The following SNRPF variants were observed in gnomAD, a reference collection of about 807,000 sequenced individuals.
The protein encoded by SNRPF is small nuclear ribonucleoprotein polypeptide F.
A neutral mutation model predicts 13.4 loss-of-function variants in SNRPF; 1 was observed. That is an observed-to-expected ratio of 0.07 (90% CI 0.03 to 0.35). The LOEUF (loss-of-function observed/expected upper bound fraction) is 0.35. Ranked by LOEUF, SNRPF falls within the 10% of genes least tolerant of loss-of-function variation. The pLI, the probability that SNRPF is intolerant of heterozygous loss-of-function variation, is 0.99. For missense variants in SNRPF, 53 were observed against 101.0 expected (o/e 0.52, Z 2.04); for synonymous variants, 27 against 32.1 (o/e 0.84, Z 0.54).
chr12:95,863,967 C>T (rs2079509012), intron 2 of SNRPF, among the ~76,000 whole-genome samples: 1 of 152,114 alleles, frequency 6.6e-6, no homozygotes, highest in Non-Finnish European at 1.5e-5. Context: ...TGGTGAAGAA[C>T]ATGATAGAAA....
At chr12:95,860,139 G>A (rs1196302861) in intron 1 of SNRPF, among the ~76,000 whole-genome samples, 2 of 152,226 alleles carry the variant, frequency 1.3e-5, no homozygotes, top group African/African-American at 4.8e-5. Context: ...TTAAGTAATT[G>A]CTGTAAGTAA....
In SNRPF at chr12:95,861,217, C is replaced by A; in HGVS notation, c.53C>A (p.Pro18Gln). ...TTCCTCAATGGACTAACAGGAAAGC[C>A]AGTGATGGTGAAACTTAAGTGGGGA... ...KPFLNGLTGKPVMVKLKWGME... is the reference protein window; with the variant it reads ...KPFLNGLTGKQVMVKLKWGME... The change falls in exon 2 of 4, where the codon CCA (proline) becomes CAA (glutamine). Residue 18 changes from proline (P) to glutamine (Q), a missense_variant. Pro to Gln is a moderately conservative substitution (Grantham distance 76). Coordinates refer to ENST00000266735, the MANE Select transcript of SNRPF (RefSeq NM_003095.5). 6.2e-7 allele frequency: 1 copy of A among 1,612,244 alleles called. No individual in the cohort carries two copies. The highest frequency in any genetic ancestry group is 1.1e-5 in the South Asian group (1 of 91,024).
intron 1 of SNRPF, among the ~76,000 whole-genome samples, chr12:95,859,405 T>G (rs894604979): frequency 6.6e-6 from 1 of 152,132 alleles, no homozygotes; most frequent in African/African-American, 2.4e-5. Context: ...TTTCATTCCG[T>G]GAAAGTAATG....
intron 2 of SNRPF, among the ~76,000 whole-genome samples, chr12:95,862,908 T>C (rs1294463763): frequency 1.3e-5 from 2 of 152,228 alleles, no homozygotes; most frequent in Non-Finnish European, 2.9e-5. Context: ...GCTAATGATG[T>C]TGAGCACCTT....
intron 2 of SNRPF, among the ~76,000 whole-genome samples, chr12:95,864,142 T>C (rs2079510220): frequency 6.6e-6 from 1 of 152,244 alleles, no homozygotes; most frequent in Admixed American, 6.5e-5. Flanking sequence ...ATAATGGAGA[T>C]TACTTTTTGT....
chr12:95,861,179 C>A lies in SNRPF; in HGVS notation c.15C>A (p.Leu5=). 6.2e-7 allele frequency: 1 copy of A among 1,610,848 alleles called. No homozygotes were observed. Among genetic ancestry groups the A allele is most frequent in the South Asian group, 1.1e-5 (1 of 90,694 alleles). Residue 5 remains leucine, a synonymous_variant, in exon 2 of 4, where the codon CTC becomes CTA. Coordinates refer to ENST00000266735, the MANE Select transcript of SNRPF (RefSeq NM_003095.5). MSLP[L]NPKPFLNGLT... is the part of the protein sequence containing the mutation. ...TGTTCTTTGTGCAGAGTTTACCCCTCAATCCCAAACCTTTCCTCAATGGAC... is the reference window on the plus strand; with the variant it reads ...TGTTCTTTGTGCAGAGTTTACCCCTAAATCCCAAACCTTTCCTCAATGGAC...
At chr12:95,859,218 T>A in intron 1 of SNRPF, 142 bp downstream of exon 1, 1 of 659,068 alleles carries the variant, frequency 1.5e-6, no homozygotes, top group Non-Finnish European at 2.5e-6. Context: ...CCTTTCACTC[T>A]GCTTTTAGGT....
chr12:95,859,188 C>T (rs2079481429), intron 1 of SNRPF, 112 bp downstream of exon 1: 1 of 949,368 alleles, frequency 1.1e-6, no homozygotes, highest in Non-Finnish European at 1.7e-6. Context: ...CGTGAGGCGC[C>T]GCGCACCCTG....
At chr12:95,860,283 A>G (rs2079488982) in intron 1 of SNRPF, among the ~76,000 whole-genome samples, 1 of 152,190 alleles carries the variant, frequency 6.6e-6, no homozygotes, top group South Asian at 2.1e-4. Context: ...GCTGAATTGT[A>G]TGTCCCCAAA....
chr12:95,865,395 A>G lies in SNRPF; in HGVS notation c.194+7A>G. The G allele has an allele frequency of 1.4e-6, 2 of 1,407,720 alleles. No homozygotes were observed. Among genetic ancestry groups the G allele is most frequent in the Non-Finnish European group, 2.0e-6 (2 of 993,290 alleles). The allele number at this position is 1,407,720 out of a possible 1,614,324, so 87.2% of individuals were successfully genotyped here. Reference sequence around the variant, plus strand: ...TGGGTGAAGTTTTAATAAGGTAACAAACAGCAGTAGTATATGTAAGGAGTT... The same window carrying G: ...TGGGTGAAGTTTTAATAAGGTAACAGACAGCAGTAGTATATGTAAGGAGTT... On this transcript the variant is annotated splice_region_variant and intron_variant, in intron 3 of 3. Coordinates refer to ENST00000266735, the MANE Select transcript of SNRPF (RefSeq NM_003095.5).
In SNRPF at chr12:95,866,135, A is replaced by G. The variant is rs979367530; in HGVS notation, c.*64A>G. The G allele has an allele frequency of 7.2e-6, 6 of 831,178 alleles. No individual in the cohort carries two copies. Among genetic ancestry groups the G allele is most frequent in the South Asian group, 3.4e-5 (2 of 59,474 alleles). The allele number at this position is 831,178 out of a possible 1,614,324, so 51.5% of individuals were successfully genotyped here. On this transcript the variant is annotated 3_prime_UTR_variant, in exon 4 of 4. Coordinates refer to ENST00000266735, the MANE Select transcript of SNRPF (RefSeq NM_003095.5). ...ACAATAAAGATTTGTTTGTTTTTCA[A>G]CTTGACTTGTGAACTATTTGTATTC...
At chr12:95,865,872 AT>A (rs2079518941) in intron 3 of SNRPF, 132 bp from the exon 4 acceptor site, 2 of 388,460 alleles carry the variant, frequency 5.1e-6, no homozygotes, top group Non-Finnish European at 9.3e-6. Context: ...TAAAATGAAT[AT>A]ATTTAAAAAA....
At chr12:95,863,336 T>G (rs535654846) in intron 2 of SNRPF, among the ~76,000 whole-genome samples, 1 of 152,246 alleles carries the variant, frequency 6.6e-6, no homozygotes, top group African/African-American at 2.4e-5. Context: ...TTGAATATAC[T>G]GAAAACCACT....
intron 2 of SNRPF, 119 bp downstream of exon 2, chr12:95,861,412 AT>A: frequency 1.0e-6 from 1 of 960,664 alleles, no homozygotes; most frequent in Non-Finnish European, 1.5e-6. Context: ...ATACGGCAAA[AT>A]TCAAAAATAA....
chr12:95,865,369 C>G lies in SNRPF; in HGVS notation c.175C>G (p.Leu59Val). ...EYIDGALSGH[L>V]GEVLIRCNNV... ...CATAGATGGAGCTTTGTCTGGACAT[C>G]TGGGTGAAGTTTTAATAAGGTAACA... Residue 59 changes from leucine (L) to valine (V), a missense_variant, in exon 3 of 4, where the codon CTG becomes GTG. By Grantham distance (32) the Leu-to-Val change is conservative. Coordinates refer to ENST00000266735, the MANE Select transcript of SNRPF (RefSeq NM_003095.5). 1 of 1,566,500 alleles carries G rather than the reference C, an allele frequency of 6.4e-7. No individual in the cohort carries two copies. Among genetic ancestry groups the G allele is most frequent in the Non-Finnish European group, 8.8e-7 (1 of 1,137,886 alleles).
intron 2 of SNRPF, 21 bp downstream of exon 2, chr12:95,861,314 G>A (rs1277830363): frequency 6.2e-7 from 1 of 1,600,124 alleles, no homozygotes; most frequent in Non-Finnish European, 8.5e-7. Context: ...GAGCTGTAAA[G>A]GTCATAACAT....
chr12:95,865,896 C>T (rs1208363502), intron 3 of SNRPF, 109 bp from the exon 4 acceptor site: 4 of 439,470 alleles, frequency 9.1e-6, no homozygotes, highest in Non-Finnish European at 1.6e-5. Context: ...TTTTTAAAGA[C>T]AAGAATATTA....
intron 1 of SNRPF, among the ~76,000 whole-genome samples, chr12:95,860,211 T>C (rs1190064121): frequency 6.6e-6 from 1 of 152,250 alleles, no homozygotes; most frequent in Non-Finnish European, 1.5e-5. Context: ...TTAAATACTG[T>C]CAAGCGTGAT....
At chr12:95,865,136 GA>G in intron 2 of SNRPF, 187 bp from the exon 3 acceptor site, 1 of 385,862 alleles carries the variant, frequency 2.6e-6, no homozygotes, top group Non-Finnish European at 4.6e-6. Context: ...TAATTTCGTT[GA>G]AGGTTTATAT....
Sources: gnomAD v4.1 joint callset for allele counts (sites outside exome capture counted in the v4.1 genomes callset) on GRCh38, gnomAD v4.1.1 for gene constraint, MANE v1.5 for transcripts, NCBI Gene and HGNC (gene_info 2026-07-23, HGNC 2026-07-21) for gene names.